Variants in NPNT observed in about 807,000 individuals in gnomAD.
The protein encoded by NPNT is nephronectin.
A neutral mutation model predicts 68.6 loss-of-function variants in NPNT; 45 were observed. That is an observed-to-expected ratio of 0.66 (90% CI 0.52 to 0.84). The LOEUF (loss-of-function observed/expected upper bound fraction) is 0.84, where lower values mean the gene tolerates loss of function less well. Among genes scored for constraint, NPNT ranks in the 40% least tolerant of loss-of-function variants. The pLI, the probability that NPNT is intolerant of heterozygous loss-of-function variation, is 0.00. For missense variants in NPNT, 672 were observed against 714.8 expected (o/e 0.94, Z 0.68); for synonymous variants, 233 against 253.3 (o/e 0.92, Z 0.76).
At chr4:105,922,801 G>A (rs7664805) in intron 2 of NPNT, among the ~76,000 whole-genome samples, 1 of 152,150 alleles carries the variant, frequency 6.6e-6, no homozygotes, top group Non-Finnish European at 1.5e-5. Flanking sequence ...TTTTGAGAGT[G>A]ATTGCCCATT....
At chr4:105,896,543 G>C (rs1426042212) in intron 1 of NPNT, among the ~76,000 whole-genome samples, 1 of 152,204 alleles carries the variant, frequency 6.6e-6, no homozygotes, top group Admixed American at 6.5e-5. Context: ...CTCGTCCCGG[G>C]TGCAGATGGC....
At chr4:105,959,165 C>A in intron 10 of NPNT, 39 bp downstream of exon 10, 3 of 1,221,100 alleles carry the variant, frequency 2.5e-6, no homozygotes, top group Non-Finnish European at 3.6e-6. Flanking sequence ...GTACACATTT[C>A]AATGTGATAC....
chr4:105,920,749 A>G (rs1728201556), intron 2 of NPNT, among the ~76,000 whole-genome samples: 1 of 152,146 alleles, frequency 6.6e-6, no homozygotes, highest in Admixed American at 6.6e-5. Context: ...CCCAGACACA[A>G]AAATAAAATG....
At chr4:105,920,407 A>AAAAAAAAAAAAACAAACAAAC (rs1728170967) in intron 2 of NPNT, among the ~76,000 whole-genome samples, 1 of 151,186 alleles carries the variant, frequency 6.6e-6, no homozygotes, top group African/African-American at 2.4e-5. Context: ...AAAAAAAAAA[A>AAAAAAAAAAAAACAAACAAAC]AAAAAAAAAA....
At chr4:105,910,030 A>G (rs149966443) in intron 2 of NPNT, among the ~76,000 whole-genome samples, 1 of 152,126 alleles carries the variant, frequency 6.6e-6, no homozygotes, top group East Asian at 1.9e-4. Context: ...ACAGTAAATG[A>G]AACTATACAT....
At chr4:105,958,907 A>C in intron 9 of NPNT, 121 bp from the exon 10 acceptor site, 1 of 648,170 alleles carries the variant, frequency 1.5e-6, no homozygotes, top group South Asian at 1.9e-5. Context: ...TTATGGAAAG[A>C]AGCTCTGGTT....
chr4:105,953,247 AGG>A (rs2149393084), intron 8 of NPNT, among the ~76,000 whole-genome samples: 2 of 152,294 alleles, frequency 1.3e-5, no homozygotes, highest in Non-Finnish European at 2.9e-5. Context: ...CAATACATAA[AGG>A]AGAAATAGGT....
intron 2 of NPNT, among the ~76,000 whole-genome samples, chr4:105,908,024 A>C (rs1727055628): frequency 2.0e-5 from 3 of 152,176 alleles, no homozygotes; most frequent in African/African-American, 7.2e-5. Flanking sequence ...CAGTTTAAAC[A>C]GCCTGCTGAA....
intron 2 of NPNT, among the ~76,000 whole-genome samples, chr4:105,899,493 A>G (rs1254036865): frequency 1.3e-5 from 2 of 152,216 alleles, no homozygotes; most frequent in Non-Finnish European, 2.9e-5. Flanking sequence ...CAGTGAGTGT[A>G]CAGCAGCTTT....
At position 105,949,926 on chromosome 4, in the gene NPNT, G is replaced by A. The variant is rs551509182; in HGVS notation, c.1159+7224G>A. On this transcript the variant is annotated intron_variant, in intron 8 of 11. Coordinates refer to ENST00000379987, the MANE Select transcript of NPNT (RefSeq NM_001033047.3). ...ATATCCTGTTTATGATATTTTGGGC[G>A]ATTTTCATTGTCTTTTTGTTGTCTT... Among the ~76,000 whole-genome samples the A allele has an allele frequency of 4.0e-4, 61 of 152,174 alleles. No individual in the cohort carries two copies. In the South Asian group the frequency reaches 0.011, roughly 28 times the overall value.
Position 105,896,435 on chromosome 4 carries a change from C to T in NPNT, c.71+712C>T, listed in dbSNP as rs577203134. The stretch of plus-strand genomic sequence containing the variant: ...GCGTCTCCGCTGTCACTCAGCCGGT[C>T]CTCCCGCGCTCCGGGGCCGCTCCGG... On this transcript the variant is annotated intron_variant, in intron 1 of 11. Coordinates refer to ENST00000379987, the MANE Select transcript of NPNT (RefSeq NM_001033047.3). Among the ~76,000 whole-genome samples the T allele has an allele frequency of 8.5e-5, 13 of 152,072 alleles. No homozygotes were observed. The South Asian group carries it at 2.7e-3, about 32-fold the overall frequency.
At chr4:105,963,254 A>G (rs1428821205) in intron 10 of NPNT, among the ~76,000 whole-genome samples, 1 of 152,100 alleles carries the variant, frequency 6.6e-6, no homozygotes. Context: ...ATTTCTGTGT[A>G]TTATTCTAAT....
intron 8 of NPNT, among the ~76,000 whole-genome samples, chr4:105,950,621 A>T (rs950051781): frequency 6.6e-6 from 1 of 151,836 alleles, no homozygotes; most frequent in Non-Finnish European, 1.5e-5. Context: ...TTGTAATTTT[A>T]ATAGAGACAG....
intron 9 of NPNT, 106 bp from the exon 10 acceptor site, chr4:105,958,922 G>A (rs1039670877): frequency 2.7e-6 from 2 of 728,170 alleles, no homozygotes; most frequent in African/African-American, 3.5e-5. Flanking sequence ...CTGGTTATAT[G>A]GATAGGAGAG....
intron 7 of NPNT, among the ~76,000 whole-genome samples, chr4:105,941,335 G>A (rs1157781119): frequency 6.6e-6 from 1 of 151,920 alleles, no homozygotes; most frequent in Non-Finnish European, 1.5e-5. Flanking sequence ...GGGCAAGAGA[G>A]CGAGACCTGT....
chr4:105,896,756 G>A (rs1282179174), intron 1 of NPNT, among the ~76,000 whole-genome samples: 1 of 152,118 alleles, frequency 6.6e-6, no homozygotes, highest in Non-Finnish European at 1.5e-5. Flanking sequence ...GGGAACCAGT[G>A]GAGCGCCAAG....
At chr4:105,957,700 A>G (rs1057052550) in intron 8 of NPNT, among the ~76,000 whole-genome samples, 2 of 152,198 alleles carry the variant, frequency 1.3e-5, no homozygotes, top group Non-Finnish European at 2.9e-5. Flanking sequence ...GGGGCTTATA[A>G]GCATGAACTC....
At chr4:105,898,328 G>GTCTCTCTCTCTCTCTC (rs66945682) in intron 2 of NPNT, among the ~76,000 whole-genome samples, 390 of 53,934 alleles carry the variant, frequency 7.2e-3, no homozygotes, top group Non-Finnish European at 9.2e-3. Context: ...CTCTCTCTCT[G>GTCTCTCTCTCTCTCTC]TCTCTCTCTC....
chr4:105,934,488 T>A (rs1729362681), intron 3 of NPNT, among the ~76,000 whole-genome samples: 1 of 152,198 alleles, frequency 6.6e-6, no homozygotes, highest in Non-Finnish European at 1.5e-5. Flanking sequence ...GTATCTGAAG[T>A]GGCTTTCATA....
Sources: allele counts gnomAD v4.1 joint callset (sites outside exome capture counted in the v4.1 genomes callset), GRCh38; gene constraint gnomAD v4.1.1; transcripts MANE v1.5; gene names NCBI Gene and HGNC (gene_info 2026-07-23, HGNC 2026-07-21).